Variants in NOX4 observed in about 807,000 individuals in gnomAD.
The protein encoded by NOX4 is kidney oxidase-1.
Under a neutral mutation model 87.6 loss-of-function variants are expected in NOX4, and 69 were observed. That is an observed-to-expected ratio of 0.79 (90% CI 0.65 to 0.96). The LOEUF (loss-of-function observed/expected upper bound fraction) is 0.96. Among genes scored for constraint, NOX4 ranks in the 40% least tolerant of loss-of-function variants. NOX4 has a pLI of 0.00. For missense variants in NOX4, 680 were observed against 681.5 expected (o/e 1.00, Z 0.02); for synonymous variants, 275 against 238.2 (o/e 1.15, Z -1.42).
chr11:89,570,328 G>A, the NOX4 span, among the ~76,000 whole-genome samples: 1 of 152,102 alleles, frequency 6.6e-6, no homozygotes. Flanking sequence ...ATAAATAATG[G>A]ACACTAGGGC....
chr11:89,447,075 A>G (rs1257486810), intron 4 of NOX4, among the ~76,000 whole-genome samples: 1 of 152,122 alleles, frequency 6.6e-6, no homozygotes, highest in African/African-American at 2.4e-5. Context: ...TTAAGAGGAA[A>G]AAAAATGGAC....
At chr11:89,528,473 G>A in the NOX4 span, among the ~76,000 whole-genome samples, 11 of 152,272 alleles carry the variant, frequency 7.2e-5, no homozygotes, top group African/African-American at 2.4e-4. Context: ...ATCTTGAATT[G>A]TAATTCTCAC....
chr11:89,449,427 G>C lies in NOX4; in HGVS notation c.349+13C>G. On this transcript the variant is annotated intron_variant, in intron 4 of 17. Coordinates refer to ENST00000263317, the MANE Select transcript of NOX4 (RefSeq NM_016931.5). ...ATTCTAACAAATTATTTAATATCTTGTGGCTTTCTCACCTGAGAAAATACA... is the reference window on the plus strand; with the variant it reads ...ATTCTAACAAATTATTTAATATCTTCTGGCTTTCTCACCTGAGAAAATACA... 6.4e-7 allele frequency: 1 copy of C among 1,552,324 alleles called. No homozygotes were observed.
At chr11:89,514,919 T>A in the NOX4 span, among the ~76,000 whole-genome samples, 3 of 152,028 alleles carry the variant, frequency 2.0e-5, no homozygotes, top group African/African-American at 7.2e-5. Context: ...AACTCATGCA[T>A]GCTCCTGCAT....
the NOX4 span, among the ~76,000 whole-genome samples, chr11:89,584,947 C>T: frequency 6.6e-6 from 1 of 152,038 alleles, no homozygotes; most frequent in African/African-American, 2.4e-5. Flanking sequence ...TTGGGATATA[C>T]AAGGACTTGT....
chr11:89,486,181 T>G (rs997478657), intron 2 of NOX4, among the ~76,000 whole-genome samples: 3 of 147,292 alleles, frequency 2.0e-5, no homozygotes, highest in African/African-American at 7.3e-5. Flanking sequence ...TTCACCTTCA[T>G]TCTCAAAGAT....
chr11:89,456,584 C>G (rs1037625689), intron 2 of NOX4, among the ~76,000 whole-genome samples: 6 of 152,144 alleles, frequency 3.9e-5, no homozygotes, highest in Non-Finnish European at 8.8e-5. Context: ...CTGTAGGGGG[C>G]TGCTGAGCAC....
chr11:89,417,863 AC>A (rs1748333530), intron 8 of NOX4, among the ~76,000 whole-genome samples: 1 of 152,116 alleles, frequency 6.6e-6, no homozygotes, highest in Non-Finnish European at 1.5e-5. Flanking sequence ...TTAATTGCTA[AC>A]AAAAAGCAAG....
upstream of NOX4, among the ~76,000 whole-genome samples, chr11:89,498,430 T>C (rs1330684674): frequency 1.3e-5 from 2 of 152,158 alleles, no homozygotes; most frequent in African/African-American, 2.4e-5. Flanking sequence ...ACTTAACAGG[T>C]TTATTTATAA....
the NOX4 span, among the ~76,000 whole-genome samples, chr11:89,537,423 T>C: frequency 6.6e-6 from 1 of 151,642 alleles, no homozygotes; most frequent in Non-Finnish European, 1.5e-5. Context: ...ACATATTATA[T>C]AATATGTATA....
Position 89,470,013 on chromosome 11 carries a change from C to G in NOX4, c.154-18118G>C, listed in dbSNP as rs75004454. On this transcript the variant is annotated intron_variant, in intron 2 of 17. Coordinates refer to ENST00000263317, the MANE Select transcript of NOX4 (RefSeq NM_016931.5). ...CCTGAATATGAAGCCCCTTAACTAG[C>G]TGTGTGGTCTTAGGTAACTATGTGA... Among the ~76,000 whole-genome samples, 452 of 152,036 alleles carry G rather than the reference C, an allele frequency of 3.0e-3. 3 individuals carry two copies. Among genetic ancestry groups the G allele is most frequent in the African/African-American group, 0.01 (419 of 41,462 alleles).
chr11:89,437,973 T>C (rs1944167999), intron 6 of NOX4, among the ~76,000 whole-genome samples: 1 of 151,756 alleles, frequency 6.6e-6, no homozygotes, highest in African/African-American at 2.4e-5. Flanking sequence ...TATGATGAGA[T>C]GTTCAGTAGT....
At chr11:89,436,496 C>T (rs2135330540) in intron 6 of NOX4, among the ~76,000 whole-genome samples, 1 of 152,078 alleles carries the variant, frequency 6.6e-6, no homozygotes, top group East Asian at 1.9e-4. Flanking sequence ...TACTTGTTTC[C>T]TTAGCAAAAT....
intron 17 of NOX4, among the ~76,000 whole-genome samples, chr11:89,333,209 A>G (rs1347268863): frequency 1.3e-5 from 2 of 151,872 alleles, no homozygotes; most frequent in Non-Finnish European, 2.9e-5. Context: ...ACAATTATAC[A>G]GAAATTGTCC....
chr11:89,373,529 T>C (rs760125062), intron 11 of NOX4, 37 bp from the exon 12 acceptor site: 5 of 1,219,156 alleles, frequency 4.1e-6, no homozygotes, highest in Non-Finnish European at 6.1e-6. Flanking sequence ...TGATTAATAA[T>C]TACATAATAT....
At chr11:89,576,869 C>A in the NOX4 span, 3 of 151,988 alleles carry the variant, frequency 2.0e-5, no homozygotes, top group African/African-American at 7.2e-5. Flanking sequence ...ATCACAGTAA[C>A]ACCAGTAATT....
upstream of NOX4, among the ~76,000 whole-genome samples, chr11:89,497,045 G>T (rs1946963006): frequency 6.6e-6 from 1 of 152,136 alleles, no homozygotes; most frequent in Admixed American, 6.6e-5. Context: ...GTTGAACCAG[G>T]ACTTCTACCT....
intron 8 of NOX4, among the ~76,000 whole-genome samples, chr11:89,407,386 A>C (rs1942245472): frequency 6.6e-6 from 1 of 152,112 alleles, no homozygotes; most frequent in South Asian, 2.1e-4. Flanking sequence ...ATGTGGAAAT[A>C]TAAGTGTTTA....
intron 2 of NOX4, among the ~76,000 whole-genome samples, chr11:89,454,072 C>T (rs1301050696): frequency 6.6e-6 from 1 of 152,094 alleles, no homozygotes; most frequent in East Asian, 1.9e-4. Flanking sequence ...GACAAGGTCA[C>T]AGCCTCATAT....
Sources: gnomAD v4.1 joint callset for allele counts (sites outside exome capture counted in the v4.1 genomes callset) on GRCh38, gnomAD v4.1.1 for gene constraint, MANE v1.5 for transcripts, NCBI Gene and HGNC (gene_info 2026-07-23, HGNC 2026-07-21) for gene names.